Variants in TOGARAM2 observed in about 807,000 individuals in gnomAD.
The protein encoded by TOGARAM2 is TOG array regulator of axonemal microtubules 2.
TOGARAM2 carries 85 observed loss-of-function variants against 93.3 expected under a neutral mutation model. That is an observed-to-expected ratio of 0.91 (90% CI 0.76 to 1.09). The LOEUF is 1.09. Among genes scored for constraint, TOGARAM2 ranks in the 50% least tolerant of loss-of-function variants. TOGARAM2 has a pLI of 0.00. For synonymous variants in TOGARAM2, 593 were observed against 552.8 expected (o/e 1.07, Z -1.02); for missense variants, 1,277 against 1,334.5 (o/e 0.96, Z 0.67).
intron 1 of TOGARAM2, among the ~76,000 whole-genome samples, chr2:28,994,501 G>C (rs556086440): frequency 6.8e-4 from 104 of 152,284 alleles, no homozygotes; most frequent in African/African-American, 2.4e-3. Flanking sequence ...CAGGTTGATG[G>C]GTTTTGTTGA....
At chr2:28,970,101 G>A (rs1482720957) in intron 1 of TOGARAM2, among the ~76,000 whole-genome samples, 97 of 151,824 alleles carry the variant, frequency 6.4e-4, no homozygotes, top group East Asian at 3.9e-4. Flanking sequence ...ATGAGCCACC[G>A]TGCCCGACAT....
chr2:28,967,607 C>T lies in TOGARAM2; in HGVS notation c.-147+10910C>T, dbSNP rs528590573. Among the ~76,000 whole-genome samples, 4 of 152,182 alleles carry T rather than the reference C, an allele frequency of 2.6e-5. No individual in the cohort carries two copies. The South Asian group carries it at 8.3e-4, about 32-fold the overall frequency. On this transcript the variant is annotated intron_variant, in intron 1 of 6. Transcript: ENST00000401723. ...CTAGCTGAGGTGGCCATGGGCTGAC[C>T]TAGCGTGACTTTTCCTATAAAGAAA...
intron 19 of TOGARAM2, chr2:29,048,145 A>T (rs537474108): frequency 6.6e-6 from 1 of 152,276 alleles, no homozygotes; most frequent in East Asian, 1.9e-4. Context: ...GAATTTGTGC[A>T]GGAAAATTCC....
chr2:29,033,932 G>A (rs1285229704), intron 16 of TOGARAM2, among the ~76,000 whole-genome samples: 1 of 152,150 alleles, frequency 6.6e-6, no homozygotes, highest in Admixed American at 6.5e-5. Context: ...CTAGTTCAGA[G>A]GCCCAGCCTG....
intron 5 of TOGARAM2, 141 bp downstream of exon 5, chr2:29,002,888 G>C (rs1330606108): frequency 1.3e-6 from 1 of 759,418 alleles, no homozygotes; most frequent in Non-Finnish European, 2.1e-6. Context: ...AGTGAGGATA[G>C]GGACAGCACT....
chr2:28,977,687 T>C (rs986230767), upstream of TOGARAM2, among the ~76,000 whole-genome samples: 1 of 152,182 alleles, frequency 6.6e-6, no homozygotes, highest in Non-Finnish European at 1.5e-5. Context: ...GCATGAATCC[T>C]GCCCCCAAGG....
intron 18 of TOGARAM2, among the ~76,000 whole-genome samples, chr2:29,041,624 G>C (rs1666442588): frequency 6.6e-6 from 1 of 152,218 alleles, no homozygotes; most frequent in African/African-American, 2.4e-5. Flanking sequence ...AATGGGACAG[G>C]TGTAAGGCCC....
At chr2:28,983,191 TATATATA>T (rs1352079439) in intron 1 of TOGARAM2, among the ~76,000 whole-genome samples, 1 of 50,404 alleles carries the variant, frequency 2.0e-5, no homozygotes, top group African/African-American at 5.7e-5. Context: ...TATATATATA[TATATATA>T]TTTTTTTTTT....
chr2:29,030,279 A>T (rs1665687754), intron 14 of TOGARAM2, among the ~76,000 whole-genome samples: 3 of 152,342 alleles, frequency 2.0e-5, no homozygotes, highest in Admixed American at 1.3e-4. Context: ...CTGTCTCAAA[A>T]AAATAAATAA....
At chr2:29,008,056 C>T (rs1663996240) in intron 6 of TOGARAM2, among the ~76,000 whole-genome samples, 1 of 152,304 alleles carries the variant, frequency 6.6e-6, no homozygotes, top group South Asian at 2.1e-4. Context: ...GGGACTGCCT[C>T]AGCCCCTCCC....
chr2:29,023,881 C>A (rs989384444), intron 12 of TOGARAM2, among the ~76,000 whole-genome samples: 16 of 152,240 alleles, frequency 1.1e-4, no homozygotes, highest in Non-Finnish European at 5.9e-5. Flanking sequence ...ATCAGACATT[C>A]TTTGTAAAAG....
upstream of TOGARAM2, among the ~76,000 whole-genome samples, chr2:28,977,710 A>G (rs542427330): frequency 5.9e-4 from 90 of 152,208 alleles, no homozygotes; most frequent in Non-Finnish European, 1.1e-3. Context: ...CTCACAGTCT[A>G]GGTCTGTGTG....
At chr2:29,004,674 G>A (rs11678572) in intron 6 of TOGARAM2, among the ~76,000 whole-genome samples, 111,542 of 151,494 alleles carry the variant, frequency 0.74, 42,548 homozygotes, top group Non-Finnish European at 0.85. Flanking sequence ...GTATATGTGA[G>A]TATATGCATG....
chr2:28,999,594 G>C, intron 4 of TOGARAM2, 126 bp downstream of exon 4: 2 of 1,114,038 alleles, frequency 1.8e-6, no homozygotes, highest in Non-Finnish European at 2.5e-6. Flanking sequence ...GTGATCGGTG[G>C]GTACATACCA....
chr2:29,024,731 C>A (rs544159377), intron 13 of TOGARAM2, among the ~76,000 whole-genome samples: 1 of 152,176 alleles, frequency 6.6e-6, no homozygotes, highest in Non-Finnish European at 1.5e-5. Context: ...CACTCCAAGG[C>A]TGGGGAGCAC....
intron 1 of TOGARAM2, among the ~76,000 whole-genome samples, chr2:28,963,025 C>A (rs750523546): frequency 6.6e-6 from 1 of 151,384 alleles, no homozygotes; most frequent in Non-Finnish European, 1.5e-5. Flanking sequence ...TTGGGGTCTC[C>A]CTATGTTGCC....
At chr2:28,999,852 C>T (rs774427413) in intron 4 of TOGARAM2, among the ~76,000 whole-genome samples, 88 of 152,364 alleles carry the variant, frequency 5.8e-4, no homozygotes, top group Middle Eastern at 3.4e-3. Context: ...GCCCTGGCCT[C>T]ACCCCAACTG....
At chr2:29,030,355 G>A (rs1572753891) in intron 14 of TOGARAM2, among the ~76,000 whole-genome samples, 2 of 152,158 alleles carry the variant, frequency 1.3e-5, no homozygotes, top group African/African-American at 4.8e-5. Context: ...TGAGTTTAGG[G>A]GGACTGGAAG....
At chr2:28,997,763 G>T (rs1332299207) in intron 2 of TOGARAM2, among the ~76,000 whole-genome samples, 1 of 152,236 alleles carries the variant, frequency 6.6e-6, no homozygotes, top group African/African-American at 2.4e-5. Context: ...GTGTCCTGGG[G>T]AGAGCAGCTG....
Sources: gnomAD v4.1 joint callset for allele counts (sites outside exome capture counted in the v4.1 genomes callset) on GRCh38, gnomAD v4.1.1 for gene constraint, MANE v1.5 for transcripts, NCBI Gene and HGNC (gene_info 2026-07-23, HGNC 2026-07-21) for gene names.